The following MAGI3 variants were observed in gnomAD, a reference collection of about 807,000 sequenced individuals.
The protein encoded by MAGI3 is membrane associated guanylate kinase, WW and PDZ domain containing 3, also known as membrane-associated guanylate kinase, WW and PDZ domain-containing protein 3.
In MAGI3, 43 loss-of-function variants were observed where a neutral mutation model predicts 121.8. The ratio of observed to expected loss-of-function variants is 0.35; its 90% CI spans 0.28 to 0.46. MAGI3 has a LOEUF of 0.46. Among genes scored for constraint, MAGI3 ranks in the 20% least tolerant of loss-of-function variants. MAGI3 has a pLI of 1.00. For missense variants in MAGI3, 1,547 were observed against 1,797.3 expected, an observed-to-expected ratio of 0.86 and a Z score of 2.52; for synonymous variants, 553 against 639.3, an observed-to-expected ratio of 0.86 and a Z score of 2.04.
intron 1 of MAGI3, among the ~76,000 whole-genome samples, chr1:113,460,341 A>G (rs1654967718): frequency 6.6e-6 from 1 of 152,168 alleles, no homozygotes; most frequent in African/African-American, 2.4e-5. Flanking sequence ...AGCTGGAAAC[A>G]TTACCCTTGA....
chr1:113,425,601 A>G (rs1278313390), intron 1 of MAGI3, among the ~76,000 whole-genome samples: 1 of 151,992 alleles, frequency 6.6e-6, no homozygotes, highest in Non-Finnish European at 1.5e-5. Context: ...TCAATTTTTA[A>G]AATGTTTATA....
Position 113,488,573 on chromosome 1 carries a change from ACTCC to A in MAGI3, c.317-60935_317-60932del, listed in dbSNP as rs568858352. 6.9e-3 allele frequency among the ~76,000 whole-genome samples: 1,048 copies of A among 151,926 alleles called. 7 individuals carry two copies. The highest frequency in any genetic ancestry group is 0.013 in the Admixed American group (200 of 15,270). On this transcript the variant is annotated intron_variant, in intron 1 of 20. Coordinates refer to ENST00000307546, the MANE Select transcript of MAGI3 (RefSeq NM_001142782.2). ...TCTGTGGGCATGAACCAGCCTGCATACTCCCTCCCTATGTTGCAGTTTCCCCTAA... is the reference window on the plus strand; with the variant it reads ...TCTGTGGGCATGAACCAGCCTGCATACTCCCTATGTTGCAGTTTCCCCTAA...
At chr1:113,561,137 C>CA (rs1660218394) in intron 2 of MAGI3, among the ~76,000 whole-genome samples, 3 of 151,944 alleles carry the variant, frequency 2.0e-5, no homozygotes, top group Non-Finnish European at 4.4e-5. Context: ...GCCTACCAAC[C>CA]AAAAAAAGCC....
At chr1:113,656,385 A>T (rs892312548) in intron 15 of MAGI3, among the ~76,000 whole-genome samples, 4 of 152,080 alleles carry the variant, frequency 2.6e-5, no homozygotes, top group Non-Finnish European at 5.9e-5. Context: ...AAAGGCAGGA[A>T]ACCTGTCTCA....
intron 6 of MAGI3, among the ~76,000 whole-genome samples, chr1:113,597,890 G>A (rs1207121702): frequency 1.3e-5 from 2 of 152,150 alleles, no homozygotes; most frequent in African/African-American, 4.8e-5. Flanking sequence ...AAGTTGATAT[G>A]CACCAGAATA....
chr1:113,391,371 G>A lies in MAGI3; in HGVS notation c.316+22G>A. On this transcript the variant is annotated intron_variant, in intron 1 of 20. Coordinates refer to ENST00000307546, the MANE Select transcript of MAGI3 (RefSeq NM_001142782.2). The surrounding 1 kb of genome is among the most constrained non-coding windows in gnomAD (Gnocchi z 4.4). ...CCAGGTACGCCGGCCCTGCGTATCT[G>A]TCTCGGGGTGTTGGGGAGAGGGGCT... 5.1e-6 allele frequency: 8 copies of A among 1,570,368 alleles called. No individual in the cohort carries two copies. The highest frequency in any genetic ancestry group is 6.9e-6 in the Non-Finnish European group (8 of 1,158,896).
At chr1:113,641,354 T>G (rs1234261326) in intron 9 of MAGI3, among the ~76,000 whole-genome samples, 2 of 150,550 alleles carry the variant, frequency 1.3e-5, no homozygotes, top group African/African-American at 4.9e-5. Flanking sequence ...GGATTCCTGC[T>G]AAAGCTGGGC....
At chr1:113,567,161 G>T in intron 2 of MAGI3, among the ~76,000 whole-genome samples, 1 of 151,886 alleles carries the variant, frequency 6.6e-6, no homozygotes, top group Non-Finnish European at 1.5e-5. Context: ...TGAAAAGTTA[G>T]ATGCCCACAA....
chr1:113,589,109 G>A (rs1308775608), intron 4 of MAGI3, among the ~76,000 whole-genome samples: 1 of 152,004 alleles, frequency 6.6e-6, no homozygotes, highest in Non-Finnish European at 1.5e-5. Context: ...GGAGTCAATG[G>A]GCACAGTTTC....
chr1:113,505,012 G>A (rs954532647), intron 1 of MAGI3, among the ~76,000 whole-genome samples: 1 of 152,136 alleles, frequency 6.6e-6, no homozygotes, highest in Admixed American at 6.5e-5. Flanking sequence ...GTATGAGTGT[G>A]TGAACCTACA....
intron 1 of MAGI3, among the ~76,000 whole-genome samples, chr1:113,541,178 A>G (rs1309649077): frequency 6.6e-6 from 1 of 152,228 alleles, no homozygotes; most frequent in Non-Finnish European, 1.5e-5. Context: ...TGACCTTCAA[A>G]TGCCAGTGAT....
chr1:113,425,638 G>A (rs1652971523), intron 1 of MAGI3, among the ~76,000 whole-genome samples: 2 of 151,954 alleles, frequency 1.3e-5, no homozygotes, highest in Admixed American at 6.6e-5. Flanking sequence ...CTTCATCTTG[G>A]TTGGGTGGTT....
chr1:113,496,585 G>T lies in MAGI3; in HGVS notation c.317-52930G>T, dbSNP rs1034308157. 5.8e-4 allele frequency among the ~76,000 whole-genome samples: 88 copies of T among 152,174 alleles called. 1 individual carries two copies. The highest frequency in any genetic ancestry group is 1.8e-3 in the African/African-American group (76 of 41,514). On this transcript the variant is annotated intron_variant, in intron 1 of 20. Coordinates refer to ENST00000307546, the MANE Select transcript of MAGI3 (RefSeq NM_001142782.2). ...AATTTTGATAATCAGTTTCTTGTTT[G>T]TTTATCTGTTTATTGATCTATTTCT...
At chr1:113,624,023 G>A (rs1489009071) in intron 9 of MAGI3, among the ~76,000 whole-genome samples, 1 of 152,108 alleles carries the variant, frequency 6.6e-6, no homozygotes, top group East Asian at 1.9e-4. Flanking sequence ...CTGTGTCATT[G>A]CAAATGACAA....
chr1:113,642,266 C>T lies in MAGI3; in HGVS notation c.1716C>T (p.Ser572=). Residue 572 remains serine, a synonymous_variant, in exon 10 of 21, where the codon TCC becomes TCT. Transcript: ENST00000307546. ...TATCCATGGCATCGTCAGGCAGCTCCCAGCCTGAACTAGTGACTATCCCTT... is the reference window on the plus strand; with the variant it reads ...TATCCATGGCATCGTCAGGCAGCTCTCAGCCTGAACTAGTGACTATCCCTT... ...QRVSMASSGS[S]QPELVTIPLI... 1 of 1,614,172 alleles carries T rather than the reference C, an allele frequency of 6.2e-7. No individual in the cohort carries two copies. Among genetic ancestry groups the T allele is most frequent in the Non-Finnish European group, 8.5e-7 (1 of 1,180,032 alleles).
At chr1:113,597,341 T>A (rs1649082971) in intron 6 of MAGI3, among the ~76,000 whole-genome samples, 1 of 152,192 alleles carries the variant, frequency 6.6e-6, no homozygotes, top group African/African-American at 2.4e-5. Context: ...GTTAACAGCA[T>A]GAGGAATCTT....
intron 1 of MAGI3, chr1:113,450,800 C>A: frequency 3.9e-6 from 3 of 763,898 alleles, no homozygotes; most frequent in Admixed American, 1.8e-5. Flanking sequence ...AAAACTGCAG[C>A]TTACTTTGAG....
chr1:113,521,270 G>A (rs1658181492), intron 1 of MAGI3, among the ~76,000 whole-genome samples: 1 of 151,540 alleles, frequency 6.6e-6, no homozygotes, highest in South Asian at 2.1e-4. Flanking sequence ...ATTTTTAGTA[G>A]AGACAGGGTT....
intron 7 of MAGI3, among the ~76,000 whole-genome samples, chr1:113,617,810 G>A (rs1025956306): frequency 1.3e-5 from 2 of 152,066 alleles, no homozygotes; most frequent in Non-Finnish European, 2.9e-5. Flanking sequence ...GTAGTTCCTA[G>A]GATTTTTATT....
Sources: allele counts gnomAD v4.1 joint callset (sites outside exome capture counted in the v4.1 genomes callset), GRCh38; gene constraint gnomAD v4.1.1; non-coding constraint Gnocchi (gnomAD v3.1); transcripts MANE v1.5; gene names NCBI Gene and HGNC (gene_info 2026-07-23, HGNC 2026-07-21).